The following NR5A2 variants were observed in gnomAD, a reference collection of about 807,000 sequenced individuals.
The protein encoded by NR5A2 is nuclear receptor subfamily 5 group A member 2.
NR5A2 carries 26 observed loss-of-function variants against 62.7 expected under a neutral mutation model. That is an observed-to-expected ratio of 0.41 (90% CI 0.30 to 0.58). The LOEUF (loss-of-function observed/expected upper bound fraction) is 0.58. Ranked by LOEUF, NR5A2 falls within the 20% of genes least tolerant of loss-of-function variation. The pLI is 0.22. For missense variants in NR5A2, 541 were observed against 669.1 expected (o/e 0.81, Z 2.11); for synonymous variants, 246 against 241.7 (o/e 1.02, Z -0.16).
At chr1:200,040,119 G>A (rs1385519456) in intron 2 of NR5A2, among the ~76,000 whole-genome samples, 2 of 152,214 alleles carry the variant, frequency 1.3e-5, no homozygotes, top group Non-Finnish European at 2.9e-5. Flanking sequence ...GAAATGGAAT[G>A]TCTCACTGGA....
intron 6 of NR5A2, among the ~76,000 whole-genome samples, chr1:200,114,929 C>T (rs1206192428): frequency 6.6e-6 from 1 of 152,088 alleles, no homozygotes; most frequent in Admixed American, 6.5e-5. Flanking sequence ...GCCTTCACGC[C>T]GGCATTTAAT....
chr1:200,077,498 A>G (rs1394967335), intron 5 of NR5A2, among the ~76,000 whole-genome samples: 1 of 152,146 alleles, frequency 6.6e-6, no homozygotes, highest in Non-Finnish European at 1.5e-5. Context: ...TGGATCACCT[A>G]AGGTCAGGAG....
At chr1:200,101,325 C>T (rs1022427063) in intron 5 of NR5A2, among the ~76,000 whole-genome samples, 1 of 152,208 alleles carries the variant, frequency 6.6e-6, no homozygotes, top group South Asian at 2.1e-4. Flanking sequence ...TGGAGTATAT[C>T]CACAATCTGA....
chr1:200,050,068 A>G (rs963314408), intron 5 of NR5A2, among the ~76,000 whole-genome samples: 2 of 152,210 alleles, frequency 1.3e-5, no homozygotes, highest in Admixed American at 1.3e-4. Context: ...ACGCTTAAAA[A>G]TGGCTGAAGG....
chr1:200,139,478 TGTC>T (rs1467002223), intron 7 of NR5A2, among the ~76,000 whole-genome samples: 3 of 152,230 alleles, frequency 2.0e-5, no homozygotes, highest in African/African-American at 7.2e-5. Context: ...TGAAAAGTGT[TGTC>T]TATTTTAGTA....
At position 200,170,529 on chromosome 1, in the gene NR5A2, G is replaced by T. The variant is rs540526391; in HGVS notation, c.1379-3434G>T. On this transcript the variant is annotated intron_variant, in intron 7 of 7. Coordinates refer to ENST00000367362, the MANE Select transcript of NR5A2 (RefSeq NM_205860.3). ...GGTCTTCTGGGAGGTGTTATCATTT[G>T]TATTTTGGCACTTAATCTCTTCCAT... 9.2e-5 allele frequency among the ~76,000 whole-genome samples: 14 copies of T among 152,294 alleles called. No individual in the cohort carries two copies. In the East Asian group the frequency reaches 2.7e-3, roughly 29 times the overall value.
rs547518159 is a variant in NR5A2 at position 200,151,925 on chromosome 1, G to A, written c.1379-22038G>A. On this transcript the variant is annotated intron_variant, in intron 7 of 7. Coordinates refer to ENST00000367362, the MANE Select transcript of NR5A2 (RefSeq NM_205860.3). Reference sequence around the variant, plus strand: ...GGACCCTAAGAACTGTGTGAATACAGAGTAATATTACCAGGGTCTTAATCA... The same window carrying A: ...GGACCCTAAGAACTGTGTGAATACAAAGTAATATTACCAGGGTCTTAATCA... Among the ~76,000 whole-genome samples the A allele has an allele frequency of 5.3e-5, 8 of 152,342 alleles. No homozygotes were observed. The East Asian group carries it at 1.4e-3, about 26-fold the overall frequency.
chr1:200,124,527 A>G (rs975766371), intron 7 of NR5A2, among the ~76,000 whole-genome samples: 5 of 152,254 alleles, frequency 3.3e-5, no homozygotes, highest in Admixed American at 1.3e-4. Flanking sequence ...TTCTCTGTGT[A>G]TAACATCATA....
chr1:200,040,785 C>A (rs554279588), intron 2 of NR5A2, among the ~76,000 whole-genome samples: 70 of 152,340 alleles, frequency 4.6e-4, no homozygotes, highest in African/African-American at 1.4e-3. Flanking sequence ...GTGCACTCTG[C>A]GGTGCTGAGT....
chr1:200,086,992 T>C (rs1359376312), intron 5 of NR5A2, among the ~76,000 whole-genome samples: 2 of 152,120 alleles, frequency 1.3e-5, no homozygotes, highest in Non-Finnish European at 2.9e-5. Context: ...TGAGCCGAGA[T>C]GGTGCCACTG....
intron 1 of NR5A2, chr1:200,038,573 C>A: frequency 1.8e-6 from 1 of 542,942 alleles, no homozygotes; most frequent in Non-Finnish European, 3.3e-6. Flanking sequence ...CATGTAAGAA[C>A]GGTCAGCTAA....
rs1451975375 is a variant in NR5A2 at position 200,073,240 on chromosome 1, ATATATATATATATATATATATTCCCCTT to A, written c.1110+24444_1110+24471del. ...TTGGTCAAAGCATTTACATACATAT[ATATATATATATATATATATATTCCCCTT>A]TATATATATATATATATATATATTC... On this transcript the variant is annotated intron_variant, in intron 5 of 7. Coordinates refer to ENST00000367362, the MANE Select transcript of NR5A2 (RefSeq NM_205860.3). Among the ~76,000 whole-genome samples the A allele has an allele frequency of 2.6e-4, 17 of 65,124 alleles. 1 individual carries two copies. The East Asian group carries it at 3.4e-3, about 13-fold the overall frequency. The allele number at this position is 65,124 out of a possible 152,430, so 42.7% of individuals were successfully genotyped here.
At chr1:200,076,285 G>T (rs1006922871) in intron 5 of NR5A2, among the ~76,000 whole-genome samples, 1 of 152,150 alleles carries the variant, frequency 6.6e-6, no homozygotes, top group Non-Finnish European at 1.5e-5. Flanking sequence ...AGCAACTTGT[G>T]AAGACCAACT....
chr1:200,149,786 G>A (rs1234901753), intron 7 of NR5A2, among the ~76,000 whole-genome samples: 3 of 152,098 alleles, frequency 2.0e-5, no homozygotes, highest in Non-Finnish European at 4.4e-5. Flanking sequence ...ACTGTACTTA[G>A]CACAAGACTA....
intron 6 of NR5A2, among the ~76,000 whole-genome samples, chr1:200,118,799 G>A (rs1474989281): frequency 6.6e-6 from 1 of 152,234 alleles, no homozygotes; most frequent in East Asian, 1.9e-4. Flanking sequence ...TAGTTGAGAC[G>A]TCACTTTGTG....
At chr1:200,163,184 G>C (rs1365716812) in intron 7 of NR5A2, among the ~76,000 whole-genome samples, 2 of 149,872 alleles carry the variant, frequency 1.3e-5, no homozygotes, top group African/African-American at 4.9e-5. Flanking sequence ...CTTTTCACTT[G>C]CTGTTATAAA....
chr1:200,081,812 CTGTT>C (rs1257601177), intron 5 of NR5A2, among the ~76,000 whole-genome samples: 4 of 148,308 alleles, frequency 2.7e-5, no homozygotes, highest in Non-Finnish European at 4.5e-5. Flanking sequence ...ACTTAGCACT[CTGTT>C]TGTTATTCTA....
rs200273765 is a variant in NR5A2 at position 200,111,344 on chromosome 1, A to C, written c.1230+23A>C. 144 of 1,586,682 alleles carry C rather than the reference A, an allele frequency of 9.1e-5. 2 individuals carry two copies. The Admixed American group carries it at 1.1e-3, about 12-fold the overall frequency. On this transcript the variant is annotated intron_variant, in intron 6 of 7. Transcript: ENST00000367362. ...CAAGTGAGTGTAGAGACCAAAAAAAAAAAAAAAGCATCTTTTTATTAAGCA... is the reference window on the plus strand; with the variant it reads ...CAAGTGAGTGTAGAGACCAAAAAAACAAAAAAAGCATCTTTTTATTAAGCA...
At chr1:200,088,014 A>G (rs1033727972) in intron 5 of NR5A2, among the ~76,000 whole-genome samples, 1 of 152,006 alleles carries the variant, frequency 6.6e-6, no homozygotes, top group Non-Finnish European at 1.5e-5. Flanking sequence ...GCCTCACAAA[A>G]TGCTGGGATT....
Sources: gnomAD v4.1 joint callset for allele counts (sites outside exome capture counted in the v4.1 genomes callset) on GRCh38, gnomAD v4.1.1 for gene constraint, MANE v1.5 for transcripts, NCBI Gene and HGNC (gene_info 2026-07-23, HGNC 2026-07-21) for gene names.